The following MGAM variants were observed in gnomAD, a reference collection of about 807,000 sequenced individuals.
MGAM encodes alpha-1,4-glucosidase.
MGAM carries 253 observed loss-of-function variants against 358.8 expected under a neutral mutation model. That is an observed-to-expected ratio of 0.71 (90% CI 0.64 to 0.78). MGAM has a LOEUF of 0.78. Ranked by LOEUF, MGAM falls within the 30% of genes least tolerant of loss-of-function variation. The pLI, the probability that MGAM is intolerant of heterozygous loss-of-function variation, is 0.00. For synonymous variants in MGAM, 1,105 were observed against 1,227.1 expected, an observed-to-expected ratio of 0.90 and a Z score of 2.08; for missense variants, 3,080 against 3,432.6, an observed-to-expected ratio of 0.90 and a Z score of 2.57.
upstream of MGAM, among the ~76,000 whole-genome samples, chr7:141,993,426 A>G (rs1804029297): frequency 6.6e-6 from 1 of 152,248 alleles, no homozygotes. Context: ...CAATGACATG[A>G]AATGATTCTG....
At position 142,058,332 on chromosome 7, in the gene MGAM, C is replaced by T. The variant is rs376986038; in HGVS notation, c.3819+4C>T. The T allele has an allele frequency of 1.2e-5, 20 of 1,613,712 alleles. No homozygotes were observed. The highest frequency in any genetic ancestry group is 1.7e-5 in the Non-Finnish European group (20 of 1,179,818). On this transcript the variant is annotated splice_donor_region_variant and intron_variant, in intron 31 of 70. Transcript: ENST00000475668. ...GGTGGCTGCCCAGATCCCTTATGTA[C>T]GTTCTCAGTCATGGCTCTGGAGTTT...
chr7:142,058,877 C>G (rs534969244), intron 31 of MGAM, among the ~76,000 whole-genome samples: 2 of 152,168 alleles, frequency 1.3e-5, no homozygotes. Context: ...GAGAATTGAT[C>G]CCATGAACCA....
At chr7:142,081,425 C>A (rs1209210943) in intron 50 of MGAM, among the ~76,000 whole-genome samples, 1 of 145,190 alleles carries the variant, frequency 6.9e-6, no homozygotes, top group Non-Finnish European at 1.6e-5. Flanking sequence ...TGAGAAGGAG[C>A]CACCCACATG....
At position 142,046,047 on chromosome 7, in the gene MGAM, C is replaced by T. The variant is rs1223643418; in HGVS notation, c.2499-1738C>T. Among the ~76,000 whole-genome samples, 3 of 131,926 alleles carry T rather than the reference C, an allele frequency of 2.3e-5. 1 individual carries two copies. The highest frequency in any genetic ancestry group is 4.6e-5 in the Non-Finnish European group (3 of 64,888). The allele number at this position is 131,926 out of a possible 152,430, so 86.5% of individuals were successfully genotyped here. A position where few individuals can be genotyped will look rare whatever the true frequency, so the allele number is the denominator to read the frequency against. ...CAATATGTAATATATATTATATATA[C>T]ATACAATATGTAATATAATATATAA... On this transcript the variant is annotated intron_variant, in intron 21 of 70. Coordinates refer to ENST00000475668, the MANE Select transcript of MGAM (RefSeq NM_001365693.1).
intron 1 of MGAM, among the ~76,000 whole-genome samples, chr7:142,001,601 T>C (rs1804743394): frequency 6.6e-6 from 1 of 152,190 alleles, no homozygotes; most frequent in South Asian, 2.1e-4. Flanking sequence ...GGCAAGACTG[T>C]AGCTATGGCT....
intron 26 of MGAM, among the ~76,000 whole-genome samples, 175 bp downstream of exon 26, chr7:142,053,159 T>A (rs1811179731): frequency 6.6e-6 from 1 of 152,094 alleles, no homozygotes; most frequent in African/African-American, 2.4e-5. Context: ...CTAATTTTCA[T>A]TTGGAAAAGA....
chr7:142,087,041 G>A (rs2960759), intron 57 of MGAM, among the ~76,000 whole-genome samples: 6,678 of 103,652 alleles, frequency 0.064, 1,204 homozygotes, highest in Non-Finnish European at 0.1. Context: ...CCCACTGGGC[G>A]ATACCTCCTA....
chr7:142,060,467 G>A (rs1253853859), intron 34 of MGAM, 94 bp downstream of exon 34: 22 of 1,432,614 alleles, frequency 1.5e-5, no homozygotes, highest in Middle Eastern at 1.7e-4. Flanking sequence ...CGTGGACATG[G>A]GCTTGGCAAG....
chr7:142,097,864 A>G (rs1379079283), intron 66 of MGAM, among the ~76,000 whole-genome samples: 5 of 152,158 alleles, frequency 3.3e-5, no homozygotes, highest in African/African-American at 4.8e-5. Flanking sequence ...CACATAAAGC[A>G]TCTCACTCAG....
chr7:141,996,842 G>A (rs1235444599), intron 1 of MGAM, among the ~76,000 whole-genome samples: 2 of 152,148 alleles, frequency 1.3e-5, no homozygotes, highest in African/African-American at 4.8e-5. Flanking sequence ...GAGGTTTCCT[G>A]TGGAATGTGG....
chr7:142,056,884 T>C lies in MGAM; in HGVS notation c.3635T>C (p.Leu1212Pro), dbSNP rs1192499432. The C allele has an allele frequency of 6.2e-7, 1 of 1,613,912 alleles. No homozygotes were observed. The highest frequency in any genetic ancestry group is 1.7e-5 in the Admixed American group (1 of 60,018). Residue 1212 changes from leucine (L) to proline (P), a missense_variant, in exon 30 of 71, where the codon CTG becomes CCG. Transcript: ENST00000475668. ...ALTYRTTGGV[L>P]DFYVFLGPTP... Reference sequence around the variant, plus strand: ...ACATACCGCACCACAGGGGGAGTTCTGGACTTTTATGTGTTCTTGGGGCCG... The same window carrying C: ...ACATACCGCACCACAGGGGGAGTTCCGGACTTTTATGTGTTCTTGGGGCCG...
chr7:142,092,111 G>T, intron 58 of MGAM, 64 bp downstream of exon 58: 1 of 1,512,776 alleles, frequency 6.6e-7, no homozygotes, highest in Non-Finnish European at 9.0e-7. Context: ...CTACGTGTAT[G>T]TACCACTGAC....
At chr7:142,046,114 T>TTATGTATTTATTATATATTTATATGTTA (rs1810371250) in intron 21 of MGAM, among the ~76,000 whole-genome samples, 1 of 142,776 alleles carries the variant, frequency 7.0e-6, no homozygotes, top group African/African-American at 2.6e-5. Flanking sequence ...ATTTTTATAT[T>TTATGTATTTATTATATATTTATATGTTA]TATATATTTA....
At chr7:142,049,370 C>A (rs1188529682) in intron 22 of MGAM, among the ~76,000 whole-genome samples, 11 of 152,116 alleles carry the variant, frequency 7.2e-5, no homozygotes, top group African/African-American at 2.4e-4. Context: ...CAGGAAACAA[C>A]CTCCTTGACA....
intron 35 of MGAM, 112 bp from the exon 36 acceptor site, chr7:142,063,387 A>C: frequency 1.6e-6 from 2 of 1,271,958 alleles, no homozygotes; most frequent in Non-Finnish European, 1.1e-6. Flanking sequence ...CAGGGCTGGC[A>C]TCTACAGAGA....
chr7:142,051,637 G>T (rs1233309684), intron 24 of MGAM, among the ~76,000 whole-genome samples: 1 of 152,064 alleles, frequency 6.6e-6, no homozygotes, highest in East Asian at 1.9e-4. Flanking sequence ...GAAATAGAAA[G>T]AAATATAATG....
chr7:142,071,022 G>T lies in MGAM; in HGVS notation c.5090G>T (p.Trp1697Leu), dbSNP rs1386606658. Reference protein sequence around the residue: ...TGVDINARGEWKTLPAPLDHI... With the variant: ...TGVDINARGELKTLPAPLDHI... Reference sequence around the variant, plus strand: ...GTGGATATTAATGCAAGAGGAGAGTGGAAGACCTTGCCAGCCCCTCTTGAC... The same window carrying T: ...GTGGATATTAATGCAAGAGGAGAGTTGAAGACCTTGCCAGCCCCTCTTGAC... The change falls in exon 44 of 71, where the codon TGG becomes TTG. Residue 1697 changes from tryptophan to leucine, a missense_variant. Around this residue, in one of 5 missense-constraint regions of MGAM, gnomAD observed 932 missense variants for 1,198.2 expected, o/e 0.78. Transcript: ENST00000475668. 2.6e-6 allele frequency: 4 copies of T among 1,556,102 alleles called. No individual in the cohort carries two copies. In the East Asian group the frequency reaches 9.1e-5, roughly 35 times the overall value.
intron 70 of MGAM, among the ~76,000 whole-genome samples, chr7:142,104,783 A>G (rs1312143272): frequency 1.3e-5 from 2 of 152,136 alleles, no homozygotes; most frequent in African/African-American, 4.8e-5. Flanking sequence ...AATATGTGAA[A>G]AATCTGTACC....
At chr7:142,005,766 CG>C in intron 2 of MGAM, 109 bp downstream of exon 2, 2 of 1,138,050 alleles carry the variant, frequency 1.8e-6, no homozygotes, top group Non-Finnish European at 1.2e-6. Flanking sequence ...GTGTTTGTTG[CG>C]GGGGCTGTTA....
Sources: allele counts gnomAD v4.1 joint callset (sites outside exome capture counted in the v4.1 genomes callset), GRCh38; gene constraint gnomAD v4.1.1; regional missense constraint gnomAD v4.1.1; transcripts MANE v1.5; gene names NCBI Gene and HGNC (gene_info 2026-07-23, HGNC 2026-07-21).